The following DLGAP2 variants were observed in gnomAD, a reference collection of about 807,000 sequenced individuals.
The protein encoded by DLGAP2 is DLG associated protein 2, also known as disks large-associated protein 2.
DLGAP2 carries 26 observed loss-of-function variants against 100.3 expected under a neutral mutation model. That is an observed-to-expected ratio of 0.26 (90% CI 0.19 to 0.36). The LOEUF is 0.36. Ranked by LOEUF, DLGAP2 falls within the 10% of genes least tolerant of loss-of-function variation. The pLI, the probability that DLGAP2 is intolerant of heterozygous loss-of-function variation, is 1.00. For missense variants in DLGAP2, 1,858 were observed against 1,453.2 expected, an observed-to-expected ratio of 1.28 and a Z score of -4.53; for synonymous variants, 886 against 630.1, an observed-to-expected ratio of 1.41 and a Z score of -6.08.
intron 2 of DLGAP2, among the ~76,000 whole-genome samples, chr8:1,172,804 T>A (rs1016923252): frequency 2.6e-5 from 4 of 152,196 alleles, no homozygotes; most frequent in Non-Finnish European, 5.9e-5. Context: ...TTTCAAAGTT[T>A]TTAACTTCTT....
chr8:1,163,574 G>T (rs905360855), intron 2 of DLGAP2, among the ~76,000 whole-genome samples: 26 of 152,258 alleles, frequency 1.7e-4, no homozygotes, highest in Non-Finnish European at 3.1e-4. Flanking sequence ...TTGGGGCAGA[G>T]AGCTGCGTGA....
intron 3 of DLGAP2, among the ~76,000 whole-genome samples, chr8:1,421,191 A>G (rs1336061789): frequency 6.6e-6 from 1 of 152,236 alleles, no homozygotes; most frequent in East Asian, 1.9e-4. Flanking sequence ...TTTTCCTGGA[A>G]CATAGCTCTA....
intron 1 of DLGAP2, among the ~76,000 whole-genome samples, chr8:906,109 G>A (rs529288076): frequency 1.3e-5 from 2 of 152,354 alleles, no homozygotes; most frequent in African/African-American, 2.4e-5. Flanking sequence ...TTACCTATGG[G>A]CAGCCCCTCC....
intron 2 of DLGAP2, among the ~76,000 whole-genome samples, chr8:1,077,619 C>T (rs146473387): frequency 2.2e-3 from 340 of 152,232 alleles, no homozygotes; most frequent in African/African-American, 7.5e-3. Context: ...TTTAAACCAC[C>T]AATGGCCATA....
intron 4 of DLGAP2, among the ~76,000 whole-genome samples, chr8:1,538,330 C>T (rs963016282): frequency 3.3e-5 from 5 of 152,172 alleles, no homozygotes; most frequent in Admixed American, 6.5e-5. Flanking sequence ...CCAGGCTGTC[C>T]GTTCCCCCAA....
At chr8:1,629,379 G>A (rs545871379) in intron 7 of DLGAP2, among the ~76,000 whole-genome samples, 2 of 152,286 alleles carry the variant, frequency 1.3e-5, no homozygotes, top group South Asian at 4.1e-4. Flanking sequence ...CTGCGCTCAA[G>A]TCCTGGGCAA....
intron 2 of DLGAP2, among the ~76,000 whole-genome samples, chr8:915,150 G>C (rs1039509579): frequency 6.6e-6 from 1 of 152,196 alleles, no homozygotes. Context: ...AATTGAGAGA[G>C]AGCCCTGTCT....
At chr8:1,455,939 C>G (rs891626967) in intron 3 of DLGAP2, among the ~76,000 whole-genome samples, 11 of 152,208 alleles carry the variant, frequency 7.2e-5, no homozygotes, top group African/African-American at 2.7e-4. Flanking sequence ...AGGCTGGATC[C>G]GAGGCCCCCA....
At chr8:1,333,966 G>A (rs971492701) in intron 3 of DLGAP2, among the ~76,000 whole-genome samples, 3 of 152,350 alleles carry the variant, frequency 2.0e-5, no homozygotes, top group African/African-American at 2.4e-5. Context: ...GGGCCAACAC[G>A]GCGAGAGCCA....
chr8:1,215,296 G>A (rs1027832769), intron 2 of DLGAP2, among the ~76,000 whole-genome samples: 1 of 152,248 alleles, frequency 6.6e-6, no homozygotes, highest in Non-Finnish European at 1.5e-5. Flanking sequence ...TTCTTGACAT[G>A]TCAGCACCTT....
chr8:1,468,232 G>A (rs1051164191), intron 3 of DLGAP2, among the ~76,000 whole-genome samples: 5 of 152,218 alleles, frequency 3.3e-5, no homozygotes, highest in Admixed American at 2.6e-4. Flanking sequence ...TGCAGCCTCG[G>A]TCGGTTCTGA....
intron 2 of DLGAP2, among the ~76,000 whole-genome samples, chr8:1,199,566 T>C (rs1434203124): frequency 6.6e-6 from 1 of 152,084 alleles, no homozygotes; most frequent in Non-Finnish European, 1.5e-5. Context: ...GCAGTTGGCT[T>C]CAGAAAAGTA....
At chr8:1,620,242 A>G (rs1233184826) in intron 6 of DLGAP2, 3 of 152,082 alleles carry the variant, frequency 2.0e-5, no homozygotes, top group Non-Finnish European at 4.4e-5. Flanking sequence ...GTCTTTCCCC[A>G]TCTCATTCCA....
intron 6 of DLGAP2, among the ~76,000 whole-genome samples, chr8:1,587,095 T>A (rs73671237): frequency 2.0e-5 from 3 of 152,150 alleles, no homozygotes; most frequent in African/African-American, 7.2e-5. Flanking sequence ...CCTAAAAACA[T>A]TACAGGATGC....
intron 4 of DLGAP2, among the ~76,000 whole-genome samples, chr8:1,536,973 C>T (rs887477712): frequency 6.6e-6 from 1 of 152,066 alleles, no homozygotes; most frequent in Admixed American, 6.5e-5. Flanking sequence ...TCATTTAATG[C>T]TCACCACGAC....
chr8:925,642 G>T lies in DLGAP2; in HGVS notation c.73+17676G>T, dbSNP rs572406236. On this transcript the variant is annotated intron_variant, in intron 2 of 14. Coordinates refer to ENST00000637795, the MANE Select transcript of DLGAP2 (RefSeq NM_001346810.2). ...AGTGGAAGTCGTTGGATATATGTGG[G>T]TGTATTTGTTTACACATATGTAGAC... is the stretch of plus-strand genomic sequence containing the variant. Among the ~76,000 whole-genome samples, 15 of 152,196 alleles carry T rather than the reference G, an allele frequency of 9.9e-5. 1 individual carries two copies. Among genetic ancestry groups the T allele is most frequent in the African/African-American group, 3.6e-4 (15 of 41,518 alleles).
Position 1,566,006 on chromosome 8 carries a change from C to G in DLGAP2, c.1442+112C>G, listed in dbSNP as rs1802386411. The G allele has an allele frequency of 1.3e-5, 11 of 842,390 alleles. No homozygotes were observed. The East Asian group carries it at 3.3e-4, about 26-fold the overall frequency. 52.2% of individuals were successfully genotyped at this position (842,390 alleles called of 1,614,324 possible). A position where few individuals can be genotyped will look rare whatever the true frequency, so the allele number is the denominator to read the frequency against. On this transcript the variant is annotated intron_variant, in intron 6 of 14. Coordinates refer to ENST00000637795, the MANE Select transcript of DLGAP2 (RefSeq NM_001346810.2). ...GTGCCATCCATTTAAACTAAATTGCCAAGCTGAAAATATTAGACCCATGGC... is the reference window on the plus strand; with the variant it reads ...GTGCCATCCATTTAAACTAAATTGCGAAGCTGAAAATATTAGACCCATGGC...
intron 3 of DLGAP2, among the ~76,000 whole-genome samples, chr8:1,331,909 A>G (rs888939201): frequency 1.3e-5 from 2 of 152,172 alleles, no homozygotes; most frequent in Admixed American, 6.5e-5. Flanking sequence ...TCAGGGAGCC[A>G]TGTGTCAGCA....
intron 1 of DLGAP2, among the ~76,000 whole-genome samples, chr8:845,859 C>T (rs1293093926): frequency 6.6e-6 from 1 of 152,192 alleles, no homozygotes; most frequent in South Asian, 2.1e-4. Context: ...AGGGATCCAA[C>T]TTCTTTCTTT....
Sources: allele counts gnomAD v4.1 joint callset (sites outside exome capture counted in the v4.1 genomes callset), GRCh38; gene constraint gnomAD v4.1.1; transcripts MANE v1.5; gene names NCBI Gene and HGNC (gene_info 2026-07-23, HGNC 2026-07-21).